Variants in TYR observed in about 807,000 individuals in gnomAD.
TYR encodes tyrosinase.
A neutral mutation model predicts 51.5 loss-of-function variants in TYR; 58 were observed. That is an observed-to-expected ratio of 1.13 (90% CI 0.91 to 1.40). TYR has a LOEUF of 1.40. Among genes scored for constraint, TYR ranks in the 40% most tolerant of loss-of-function variants. The pLI, the probability that TYR is intolerant of heterozygous loss-of-function variation, is 0.00. For missense variants in TYR, 732 were observed against 647.4 expected (o/e 1.13, Z -1.42); for synonymous variants, 263 against 235.2 (o/e 1.12, Z -1.08).
chr11:89,226,861 G>T (rs539658000), intron 2 of TYR, among the ~76,000 whole-genome samples: 16 of 151,938 alleles, frequency 1.1e-4, no homozygotes, highest in Admixed American at 2.0e-4. Flanking sequence ...CCCCAACTTG[G>T]TTCCTGCTTA....
chr11:89,194,315 T>C (rs983275606), intron 2 of TYR, among the ~76,000 whole-genome samples: 1 of 152,192 alleles, frequency 6.6e-6, no homozygotes, highest in Non-Finnish European at 1.5e-5. Flanking sequence ...TAATGCACTA[T>C]TAGCCAAAAT....
intron 3 of TYR, among the ~76,000 whole-genome samples, chr11:89,228,962 C>A (rs919306340): frequency 6.6e-6 from 1 of 151,930 alleles, no homozygotes; most frequent in African/African-American, 2.4e-5. Flanking sequence ...AATTTTCTCA[C>A]CACAGTTAAT....
At chr11:89,253,656 G>T (rs1340188304) in intron 3 of TYR, among the ~76,000 whole-genome samples, 1 of 151,648 alleles carries the variant, frequency 6.6e-6, no homozygotes, top group Non-Finnish European at 1.5e-5. Flanking sequence ...CAGAGCTACT[G>T]ATTTGTGTAC....
At chr11:89,279,207 C>A (rs1944691741) in intron 3 of TYR, among the ~76,000 whole-genome samples, 2 of 151,692 alleles carry the variant, frequency 1.3e-5, no homozygotes, top group South Asian at 4.1e-4. Flanking sequence ...ACTCCCTCTT[C>A]CCCAAGATCA....
At chr11:89,252,933 G>C (rs1304425995) in intron 3 of TYR, among the ~76,000 whole-genome samples, 1 of 151,608 alleles carries the variant, frequency 6.6e-6, no homozygotes, top group Non-Finnish European at 1.5e-5. Context: ...AGAGTATTTT[G>C]AAAAAGTGCT....
chr11:89,267,758 T>C (rs1307749443), intron 3 of TYR, among the ~76,000 whole-genome samples: 1 of 151,942 alleles, frequency 6.6e-6, no homozygotes, highest in African/African-American at 2.4e-5. Flanking sequence ...TCAATGTTTT[T>C]CTTTTTCCTG....
At chr11:89,243,830 GTATT>G (rs1333721382) in intron 3 of TYR, among the ~76,000 whole-genome samples, 1 of 151,872 alleles carries the variant, frequency 6.6e-6, no homozygotes, top group Non-Finnish European at 1.5e-5. Context: ...AAAATTATGT[GTATT>G]TATAATTGTT....
Position 89,181,399 on chromosome 11 carries a change from T to C in TYR, c.819+2627T>C, listed in dbSNP as rs139922473. Among the ~76,000 whole-genome samples, 231 of 152,324 alleles carry C rather than the reference T, an allele frequency of 1.5e-3. 3 individuals carry two copies. Among genetic ancestry groups the C allele is most frequent in the African/African-American group, 5.2e-3 (218 of 41,578 alleles). On this transcript the variant is annotated intron_variant, in intron 1 of 4. Transcript: ENST00000263321. Reference sequence around the variant, plus strand: ...AGAATCATTGAGTTAATGGAGATTGTTTTGGTATCTTTTTACTTTCACTTT... The same window carrying C: ...AGAATCATTGAGTTAATGGAGATTGCTTTGGTATCTTTTTACTTTCACTTT...
intron 1 of TYR, among the ~76,000 whole-genome samples, chr11:89,183,242 T>C (rs1943325159): frequency 6.6e-6 from 1 of 152,050 alleles, no homozygotes; most frequent in South Asian, 2.1e-4. Flanking sequence ...CTATCTCCCC[T>C]TTTTTCTTTG....
chr11:89,194,058 G>A lies in TYR; in HGVS notation c.1036+2640G>A, dbSNP rs1943484053. On this transcript the variant is annotated intron_variant, in intron 2 of 4. Transcript: ENST00000263321. ...CTTTTATCAAATCTACTGTATATCAGTTTTTAAAATTAGATATAATAATAT... is the reference window on the plus strand; with the variant it reads ...CTTTTATCAAATCTACTGTATATCAATTTTTAAAATTAGATATAATAATAT... Among the ~76,000 whole-genome samples, 3 of 152,056 alleles carry A rather than the reference G, an allele frequency of 2.0e-5. No homozygotes were observed. In the South Asian group the frequency reaches 6.2e-4, roughly 32 times the overall value.
At chr11:89,263,334 TA>T (rs200038548) in intron 3 of TYR, among the ~76,000 whole-genome samples, 1 of 151,132 alleles carries the variant, frequency 6.6e-6, no homozygotes, top group Middle Eastern at 3.4e-3. Flanking sequence ...AAGCTAGGAA[TA>T]AAAAAAGAGC....
At chr11:89,283,055 C>T (rs1478907457) in intron 3 of TYR, among the ~76,000 whole-genome samples, 1 of 151,854 alleles carries the variant, frequency 6.6e-6, no homozygotes, top group Non-Finnish European at 1.5e-5. Context: ...CAAATCTTCC[C>T]TGTCTCAACC....
At chr11:89,210,200 G>T (rs528526681) in intron 2 of TYR, among the ~76,000 whole-genome samples, 1 of 152,134 alleles carries the variant, frequency 6.6e-6, no homozygotes, top group Non-Finnish European at 1.5e-5. Context: ...TAAACCCATC[G>T]CAAGAAAGCT....
intron 3 of TYR, among the ~76,000 whole-genome samples, chr11:89,273,580 C>A (rs1944615947): frequency 6.6e-6 from 1 of 151,844 alleles, no homozygotes; most frequent in Non-Finnish European, 1.5e-5. Flanking sequence ...GTGAGAGAGA[C>A]ATGACACGAA....
intron 3 of TYR, among the ~76,000 whole-genome samples, chr11:89,273,181 T>G (rs1213577518): frequency 1.3e-5 from 2 of 152,084 alleles, no homozygotes; most frequent in Admixed American, 1.3e-4. Context: ...CTCATTATTA[T>G]TCTTACCTCT....
intron 4 of TYR, among the ~76,000 whole-genome samples, chr11:89,292,595 C>G (rs1036262359): frequency 2.0e-5 from 3 of 151,992 alleles, no homozygotes; most frequent in African/African-American, 7.3e-5. Flanking sequence ...AAACGATTGA[C>G]CACTATTCAC....
chr11:89,225,306 C>A (rs996022248), intron 2 of TYR, among the ~76,000 whole-genome samples: 1 of 151,844 alleles, frequency 6.6e-6, no homozygotes, highest in Non-Finnish European at 1.5e-5. Context: ...ACTCTCTTAG[C>A]AATTTTCAAG....
At chr11:89,285,899 T>C (rs1464676799) in intron 4 of TYR, among the ~76,000 whole-genome samples, 2 of 151,720 alleles carry the variant, frequency 1.3e-5, no homozygotes, top group Non-Finnish European at 2.9e-5. Context: ...TTAACAAGCA[T>C]TGATGTTTCA....
At chr11:89,226,601 G>A (rs901289727) in intron 2 of TYR, among the ~76,000 whole-genome samples, 1 of 152,094 alleles carries the variant, frequency 6.6e-6, no homozygotes, top group Non-Finnish European at 1.5e-5. Context: ...CAGAAACACT[G>A]TCAGTCACAA....
Sources: gnomAD v4.1 joint callset for allele counts (sites outside exome capture counted in the v4.1 genomes callset) on GRCh38, gnomAD v4.1.1 for gene constraint, MANE v1.5 for transcripts, NCBI Gene and HGNC (gene_info 2026-07-23, HGNC 2026-07-21) for gene names.